Variants in AOAH observed in about 807,000 individuals in gnomAD.
The protein encoded by AOAH is acyloxyacyl hydrolase (neutrophil).
In AOAH, 64 loss-of-function variants were observed where a neutral mutation model predicts 92.2. The ratio of observed to expected loss-of-function variants is 0.69; its 90% CI spans 0.57 to 0.86. The LOEUF (loss-of-function observed/expected upper bound fraction) is 0.86, where lower values mean the gene tolerates loss of function less well. AOAH is among the 40% of genes least tolerant of loss of function. AOAH has a pLI of 0.00. For missense variants in AOAH, 656 were observed against 694.6 expected, an observed-to-expected ratio of 0.94 and a Z score of 0.62; for synonymous variants, 263 against 254.5, an observed-to-expected ratio of 1.03 and a Z score of -0.32.
chr7:36,549,373 C>T, intron 14 of AOAH, 66 bp downstream of exon 14: 1 of 1,218,416 alleles, frequency 8.2e-7, no homozygotes, highest in Non-Finnish European at 1.2e-6. Flanking sequence ...GGGGTAATAA[C>T]AGAGTTTTCA....
chr7:36,552,365 T>C (rs1461749339), intron 13 of AOAH, among the ~76,000 whole-genome samples: 1 of 152,238 alleles, frequency 6.6e-6, no homozygotes, highest in African/African-American at 2.4e-5. Flanking sequence ...TAGTGTTCTG[T>C]GGTGTATGTG....
At chr7:36,564,683 A>G (rs1356569959) in intron 13 of AOAH, among the ~76,000 whole-genome samples, 1 of 152,262 alleles carries the variant, frequency 6.6e-6, no homozygotes, top group Non-Finnish European at 1.5e-5. Context: ...GCCATTGCCA[A>G]TGACATTAAA....
intron 3 of AOAH, among the ~76,000 whole-genome samples, chr7:36,673,408 A>G (rs1193341934): frequency 3.7e-5 from 2 of 54,220 alleles, no homozygotes; most frequent in African/African-American, 1.4e-4. Context: ...GTGGTGGCAC[A>G]TGCCCGCCGT....
intron 13 of AOAH, among the ~76,000 whole-genome samples, chr7:36,570,817 A>C (rs898409196): frequency 8.5e-5 from 13 of 152,154 alleles, no homozygotes; most frequent in Admixed American, 7.2e-4. Context: ...GTTGGATTAC[A>C]ATTTGTGCTT....
intron 4 of AOAH, among the ~76,000 whole-genome samples, chr7:36,641,035 C>G (rs1180237027): frequency 6.6e-6 from 1 of 152,134 alleles, no homozygotes; most frequent in African/African-American, 2.4e-5. Flanking sequence ...TCTTAGGGGA[C>G]CTGCAGCTTG....
chr7:36,522,009 C>T (rs764284212), intron 20 of AOAH, 30 bp downstream of exon 20: 4 of 1,588,524 alleles, frequency 2.5e-6, no homozygotes, highest in Non-Finnish European at 8.6e-7. Flanking sequence ...ATCAAATAGC[C>T]TTCTGCAGCC....
At chr7:36,531,505 C>A (rs1784688282) in intron 18 of AOAH, among the ~76,000 whole-genome samples, 1 of 152,022 alleles carries the variant, frequency 6.6e-6, no homozygotes, top group Non-Finnish European at 1.5e-5. Context: ...CACCATGACA[C>A]CTGGCTAATT....
chr7:36,589,465 G>A (rs1284690965), intron 12 of AOAH, among the ~76,000 whole-genome samples: 3 of 152,206 alleles, frequency 2.0e-5, no homozygotes, highest in Non-Finnish European at 4.4e-5. Context: ...GTACAGGCTA[G>A]TTAAGGAGTA....
At chr7:36,559,630 T>C (rs1184397026) in intron 13 of AOAH, among the ~76,000 whole-genome samples, 4 of 152,198 alleles carry the variant, frequency 2.6e-5, no homozygotes. Flanking sequence ...TTTAAATTCC[T>C]TACAGATTCT....
Position 36,516,292 on chromosome 7 carries a change from A to AC in AOAH, c.1600-2913dup, listed in dbSNP as rs527487865. Among the ~76,000 whole-genome samples, 8 of 135,192 alleles carry AC rather than the reference A, an allele frequency of 5.9e-5. No homozygotes were observed. In the South Asian group the frequency reaches 7.5e-4, roughly 13 times the overall value. 88.7% of individuals were successfully genotyped at this position (135,192 alleles called of 152,430 possible). A position where few individuals can be genotyped will look rare whatever the true frequency, so the allele number is the denominator to read the frequency against. On this transcript the variant is annotated intron_variant, in intron 20 of 20. Transcript: ENST00000617537. The surrounding 1 kb of genome is among the most constrained non-coding windows in gnomAD (Gnocchi z 5.0). ...CCACATACACATATAACATACACAC[A>AC]CCCCCCCACACAGATACCACACACA... is the stretch of plus-strand genomic sequence containing the variant.
intron 6 of AOAH, 40 bp downstream of exon 6, chr7:36,631,996 T>A (rs375875896): frequency 6.7e-7 from 1 of 1,502,222 alleles, no homozygotes; most frequent in African/African-American, 1.4e-5. Context: ...AAGACGTTAT[T>A]ACATGCTAGT....
At chr7:36,520,905 T>G (rs1487513718) in intron 20 of AOAH, among the ~76,000 whole-genome samples, 1 of 152,218 alleles carries the variant, frequency 6.6e-6, no homozygotes, top group Non-Finnish European at 1.5e-5. Flanking sequence ...TGTGGCTATT[T>G]AAATCCGTGA....
intron 16 of AOAH, among the ~76,000 whole-genome samples, chr7:36,537,713 G>C (rs1785166874): frequency 6.6e-6 from 1 of 152,048 alleles, no homozygotes; most frequent in Non-Finnish European, 1.5e-5. Context: ...AGCAGAGGCA[G>C]GGTTTCACCA....
chr7:36,673,544 G>T (rs1796056673), intron 3 of AOAH, among the ~76,000 whole-genome samples: 1 of 151,756 alleles, frequency 6.6e-6, no homozygotes, highest in African/African-American at 2.4e-5. Context: ...CTCAGGAAAA[G>T]AAAAAAGGAA....
At chr7:36,599,197 G>A (rs117402243) in intron 11 of AOAH, among the ~76,000 whole-genome samples, 1,765 of 152,190 alleles carry the variant, frequency 0.012, 32 homozygotes, top group Non-Finnish European at 0.018. Flanking sequence ...TCCATGCATC[G>A]AGAAAGCCCA....
intron 12 of AOAH, among the ~76,000 whole-genome samples, chr7:36,587,730 A>C (rs796541361): frequency 6.6e-5 from 10 of 152,336 alleles, no homozygotes; most frequent in African/African-American, 2.4e-4. Context: ...CAAAGTTTTC[A>C]AAATTCAAAT....
At chr7:36,630,532 T>C (rs1351651185) in intron 6 of AOAH, among the ~76,000 whole-genome samples, 1 of 152,120 alleles carries the variant, frequency 6.6e-6, no homozygotes, top group Non-Finnish European at 1.5e-5. Context: ...AGCAATGGGG[T>C]GGACATGGAC....
chr7:36,513,404 G>A lies in AOAH; in HGVS notation c.1600-24C>T, dbSNP rs116181990. The A allele has an allele frequency of 6.6e-4, 1,057 of 1,606,670 alleles. 4 individuals carry two copies. The African/African-American group carries it at 0.012, about 19-fold the overall frequency. On this transcript the variant is annotated intron_variant, in intron 20 of 20. Transcript: ENST00000617537. ...ACCTGTGAGAGAGAACCCAAAGGAC[G>A]AGGAAAAGGGAAATTAGGACAAATC...
chr7:36,584,039 C>T (rs1430697054), intron 12 of AOAH, among the ~76,000 whole-genome samples: 1 of 152,194 alleles, frequency 6.6e-6, no homozygotes, highest in Non-Finnish European at 1.5e-5. Context: ...TCATAAAACA[C>T]ACACACAAAT....
Sources: gnomAD v4.1 joint callset for allele counts (sites outside exome capture counted in the v4.1 genomes callset) on GRCh38, gnomAD v4.1.1 for gene constraint, Gnocchi (gnomAD v3.1) non-coding constraint, MANE v1.5 for transcripts, NCBI Gene and HGNC (gene_info 2026-07-23, HGNC 2026-07-21) for gene names.